Variants in XKR9 observed in about 807,000 individuals in gnomAD.
XKR9 encodes XK related 9.
Under a neutral mutation model 32.0 loss-of-function variants are expected in XKR9, and 32 were observed. That is an observed-to-expected ratio of 1.00 (90% CI 0.76 to 1.34). The LOEUF (loss-of-function observed/expected upper bound fraction) is 1.34, where lower values mean the gene tolerates loss of function less well. Among genes scored for constraint, XKR9 ranks in the 40% most tolerant of loss-of-function variants. The pLI, the probability that XKR9 is intolerant of heterozygous loss-of-function variation, is 0.00. For synonymous variants in XKR9, 168 were observed against 143.4 expected (o/e 1.17, Z -1.22); for missense variants, 546 against 429.7 (o/e 1.27, Z -2.39).
the XKR9 span, among the ~76,000 whole-genome samples, chr8:71,024,986 G>C: frequency 6.6e-6 from 1 of 152,152 alleles, no homozygotes; most frequent in Non-Finnish European, 1.5e-5. Flanking sequence ...TGTTTATTGA[G>C]CATTTCCTAT....
At chr8:70,923,695 G>C in the XKR9 span, among the ~76,000 whole-genome samples, 3 of 152,240 alleles carry the variant, frequency 2.0e-5, no homozygotes, top group Non-Finnish European at 4.4e-5. Flanking sequence ...TGGTGTTGAA[G>C]TGGTTGTGGG....
chr8:70,780,099 A>G (rs1356715287), intron 2 of XKR9, among the ~76,000 whole-genome samples: 1 of 151,882 alleles, frequency 6.6e-6, no homozygotes, highest in African/African-American at 2.4e-5. Flanking sequence ...TTACTGTTAT[A>G]GAGATATTTC....
At chr8:70,819,292 TC>T in the XKR9 span, among the ~76,000 whole-genome samples, 11 of 152,346 alleles carry the variant, frequency 7.2e-5, no homozygotes, top group African/African-American at 2.6e-4. Flanking sequence ...TAAATGACAC[TC>T]CTGTTTCTCT....
At chr8:70,811,087 T>C in the XKR9 span, among the ~76,000 whole-genome samples, 1 of 152,176 alleles carries the variant, frequency 6.6e-6, no homozygotes, top group Non-Finnish European at 1.5e-5. Flanking sequence ...TATAACAAAC[T>C]GTCTCACAGA....
the XKR9 span, among the ~76,000 whole-genome samples, chr8:70,859,994 A>G: frequency 1.3e-5 from 2 of 152,280 alleles, no homozygotes; most frequent in Admixed American, 1.3e-4. Flanking sequence ...AGGACTTGAA[A>G]TGTTCCCAAC....
intron 3 of XKR9, among the ~76,000 whole-genome samples, chr8:70,694,559 T>C (rs1231177376): frequency 2.6e-5 from 4 of 152,198 alleles, no homozygotes; most frequent in Non-Finnish European, 4.4e-5. Flanking sequence ...TGTGCTATGC[T>C]GTGGGAATCC....
the XKR9 span, among the ~76,000 whole-genome samples, chr8:70,820,264 T>C: frequency 1.0e-3 from 153 of 152,322 alleles, 2 homozygotes; most frequent in African/African-American, 3.4e-3. Context: ...TATTAGATTA[T>C]ACCCTTTTGT....
At chr8:70,797,386 C>T in the XKR9 span, among the ~76,000 whole-genome samples, 22 of 152,050 alleles carry the variant, frequency 1.4e-4, no homozygotes, top group South Asian at 1.5e-3. Context: ...TCTAAGTGCC[C>T]GCCTCTACTT....
At chr8:70,862,076 T>A in the XKR9 span, among the ~76,000 whole-genome samples, 2 of 152,112 alleles carry the variant, frequency 1.3e-5, no homozygotes, top group Non-Finnish European at 2.9e-5. Flanking sequence ...ACATCACCAG[T>A]GTGATTTATT....
At chr8:70,716,112 A>G (rs1806078887) in intron 4 of XKR9, among the ~76,000 whole-genome samples, 1 of 152,090 alleles carries the variant, frequency 6.6e-6, no homozygotes, top group Middle Eastern at 3.2e-3. Context: ...GTTCTAAAAA[A>G]CCAGAAAAAA....
chr8:70,883,032 A>G, the XKR9 span, among the ~76,000 whole-genome samples: 12 of 151,876 alleles, frequency 7.9e-5, no homozygotes, highest in Non-Finnish European at 1.6e-4. Flanking sequence ...GGTTACATGG[A>G]TGAGTTCTAT....
At chr8:70,809,514 C>T in the XKR9 span, among the ~76,000 whole-genome samples, 10 of 152,198 alleles carry the variant, frequency 6.6e-5, no homozygotes, top group African/African-American at 1.9e-4. Flanking sequence ...GGAGGAAGTT[C>T]GAGCCCATGG....
At chr8:70,802,947 A>G in the XKR9 span, among the ~76,000 whole-genome samples, 1 of 152,150 alleles carries the variant, frequency 6.6e-6, no homozygotes, top group African/African-American at 2.4e-5. Flanking sequence ...GGTCTCTTGT[A>G]TAGTATCTCA....
In XKR9 at chr8:70,669,392, C is replaced by A. The variant is rs1380852860; in HGVS notation, c.-507C>A. Reference sequence around the variant, plus strand: ...GCGGGCAGTGGTGGGAAGGCTGGCGCGAGGCGTGAGGTGGCGTGAGGCGAA... The same window carrying A: ...GCGGGCAGTGGTGGGAAGGCTGGCGAGAGGCGTGAGGTGGCGTGAGGCGAA... On this transcript the variant is annotated 5_prime_UTR_variant, in exon 1 of 5. Transcript: ENST00000408926. 4.6e-6 allele frequency: 2 copies of A among 433,938 alleles called. No individual in the cohort carries two copies. Among genetic ancestry groups the A allele is most frequent in the Non-Finnish European group, 8.3e-6 (2 of 241,394 alleles). 26.9% of individuals were successfully genotyped at this position (433,938 alleles called of 1,614,324 possible). A position where few individuals can be genotyped will look rare whatever the true frequency, so the allele number is the denominator to read the frequency against.
chr8:71,038,893 C>T, the XKR9 span, among the ~76,000 whole-genome samples: 1 of 150,906 alleles, frequency 6.6e-6, no homozygotes, highest in African/African-American at 2.4e-5. Context: ...AAACCTCCAC[C>T]TCCCGGGTTC....
intron 4 of XKR9, among the ~76,000 whole-genome samples, chr8:70,713,997 CTCT>C (rs1230764430): frequency 1.3e-5 from 2 of 152,074 alleles, no homozygotes; most frequent in South Asian, 2.1e-4. Context: ...GGTGAAGCCT[CTCT>C]TCTTGGGTTG....
rs529964918 is a variant in XKR9 at position 70,749,555 on chromosome 8, G to T, written n.353-39784G>T. On this transcript the variant is annotated intron_variant and non_coding_transcript_variant, in intron 2 of 3. Coordinates refer to the XKR9 transcript ENST00000520273. Reference sequence around the variant, plus strand: ...GGCATCTGTGCCAGTGCCTGGAGCTGCCCCCATGCCTCACCTGGCATGCCT... The same window carrying T: ...GGCATCTGTGCCAGTGCCTGGAGCTTCCCCCATGCCTCACCTGGCATGCCT... Among the ~76,000 whole-genome samples, 10 of 149,276 alleles carry T rather than the reference G, an allele frequency of 6.7e-5. No individual in the cohort carries two copies. The South Asian group carries it at 2.1e-3, about 32-fold the overall frequency.
At chr8:70,924,900 C>A in the XKR9 span, among the ~76,000 whole-genome samples, 2 of 152,312 alleles carry the variant, frequency 1.3e-5, no homozygotes, top group South Asian at 2.1e-4. Context: ...AAACAAGTCA[C>A]TTGAAGGATT....
chr8:70,995,151 A>T, the XKR9 span, among the ~76,000 whole-genome samples: 1 of 152,318 alleles, frequency 6.6e-6, no homozygotes, highest in East Asian at 1.9e-4. Context: ...TAGCCTTCAG[A>T]TCAAAATAAT....
Sources: gnomAD v4.1 joint callset for allele counts (sites outside exome capture counted in the v4.1 genomes callset) on GRCh38, gnomAD v4.1.1 for gene constraint, MANE v1.5 for transcripts, NCBI Gene and HGNC (gene_info 2026-07-23, HGNC 2026-07-21) for gene names.